Variants in CTNNA1 observed in about 807,000 individuals in gnomAD.
CTNNA1 encodes the protein catenin alpha-1.
CTNNA1 carries 37 observed loss-of-function variants against 98.4 expected under a neutral mutation model. The ratio of observed to expected loss-of-function variants is 0.38; its 90% CI spans 0.29 to 0.49. The LOEUF (loss-of-function observed/expected upper bound fraction) is 0.49, where lower values mean the gene tolerates loss of function less well. CTNNA1 is among the 20% of genes least tolerant of loss of function. The probability of loss-of-function intolerance (pLI) is 0.95; values close to 1 mark genes in which losing one functional copy is unlikely to be tolerated. For missense variants in CTNNA1, 761 were observed against 1,147.2 expected (o/e 0.66, Z 4.86); for synonymous variants, 404 against 413.2 (o/e 0.98, Z 0.27).
chr5:138,775,122 T>G, intron 1 of CTNNA1, among the ~76,000 whole-genome samples: 1 of 152,238 alleles, frequency 6.6e-6, no homozygotes, highest in South Asian at 2.1e-4. Flanking sequence ...CTAGCTTCAC[T>G]TAACTTTCCT....
chr5:138,755,513 C>T (rs909998650), intron 1 of CTNNA1, among the ~76,000 whole-genome samples: 26 of 152,138 alleles, frequency 1.7e-4, no homozygotes, highest in African/African-American at 6.3e-4. Context: ...TATCTTTGTC[C>T]TCCACACCAC....
chr5:138,853,058 G>A (rs940107233), intron 7 of CTNNA1, among the ~76,000 whole-genome samples: 21 of 151,820 alleles, frequency 1.4e-4, no homozygotes, highest in Non-Finnish European at 1.3e-4. Flanking sequence ...CCTCCCATGT[G>A]TTGTGTGTTT....
chr5:138,934,272 G>A lies in CTNNA1; in HGVS notation c.*183G>A. 1 of 566,772 alleles carries A rather than the reference G, an allele frequency of 1.8e-6. No homozygotes were observed. The highest frequency in any genetic ancestry group is 3.1e-6 in the Non-Finnish European group (1 of 323,526). 35.1% of individuals were successfully genotyped at this position (566,772 alleles called of 1,614,324 possible). ...TTTAAGTTGATTAAAAATGCTTTTA[G>A]AATGCAGGAGCCTACTTCTAGCTGT... On this transcript the variant is annotated 3_prime_UTR_variant, in exon 18 of 18. Coordinates refer to ENST00000302763, the MANE Select transcript of CTNNA1 (RefSeq NM_001903.5).
chr5:138,888,692 C>T (rs528175106), intron 9 of CTNNA1, among the ~76,000 whole-genome samples: 4 of 151,998 alleles, frequency 2.6e-5, no homozygotes, highest in Non-Finnish European at 5.9e-5. Context: ...GAATTACAGG[C>T]ACCCGCCACC....
At chr5:138,917,618 T>A in intron 10 of CTNNA1, 124 bp from the exon 11 acceptor site, 1 of 940,864 alleles carries the variant, frequency 1.1e-6, no homozygotes, top group Non-Finnish European at 1.6e-6. Context: ...TTTTACACTC[T>A]TCCCCTTCAT....
intron 7 of CTNNA1, among the ~76,000 whole-genome samples, chr5:138,840,028 T>C (rs1399059505): frequency 6.6e-6 from 1 of 152,224 alleles, no homozygotes; most frequent in Non-Finnish European, 1.5e-5. Flanking sequence ...TGGCTGGAAT[T>C]GGGGTCATTA....
chr5:138,762,624 T>C (rs1698350894), intron 1 of CTNNA1, among the ~76,000 whole-genome samples: 3 of 152,022 alleles, frequency 2.0e-5, no homozygotes, highest in African/African-American at 4.8e-5. Flanking sequence ...CTCTTTTTGA[T>C]TGGGATTTAA....
intron 3 of CTNNA1, among the ~76,000 whole-genome samples, chr5:138,794,258 C>T (rs769310248): frequency 4.6e-5 from 7 of 152,044 alleles, no homozygotes; most frequent in Non-Finnish European, 1.0e-4. Flanking sequence ...CTCAGGTGAT[C>T]GGCCTGCCTT....
chr5:138,860,495 T>G (rs200655429), intron 7 of CTNNA1, among the ~76,000 whole-genome samples: 1 of 84,510 alleles, frequency 1.2e-5, no homozygotes, highest in African/African-American at 4.9e-5. Flanking sequence ...TGGTTTTTTT[T>G]GTTTGTTTTG....
intron 10 of CTNNA1, 50 bp from the exon 11 acceptor site, chr5:138,917,692 A>G: frequency 6.3e-7 from 1 of 1,593,434 alleles, no homozygotes; most frequent in Non-Finnish European, 8.6e-7. Context: ...TGTAAGACAA[A>G]GCCATGACTC....
intron 1 of CTNNA1, among the ~76,000 whole-genome samples, chr5:138,779,757 C>T (rs1455037070): frequency 6.6e-6 from 1 of 150,418 alleles, no homozygotes; most frequent in Non-Finnish European, 1.5e-5. Flanking sequence ...GCTCTGTTGC[C>T]CAGGCTGGAG....
chr5:138,768,889 A>AG lies in CTNNA1; in HGVS notation c.-2-13033dup, dbSNP rs1753227069. Among the ~76,000 whole-genome samples, 4 of 152,236 alleles carry AG rather than the reference A, an allele frequency of 2.6e-5. No individual in the cohort carries two copies. In the South Asian group the frequency reaches 8.3e-4, roughly 32 times the overall value. On this transcript the variant is annotated intron_variant, in intron 1 of 17. Coordinates refer to ENST00000302763, the MANE Select transcript of CTNNA1 (RefSeq NM_001903.5). ...TTTGGTCTTAATAATTAATTGCTACAGTGATCTGCTAGCAATTTCCAATTC... is the reference window on the plus strand; with the variant it reads ...TTTGGTCTTAATAATTAATTGCTACAGGTGATCTGCTAGCAATTTCCAATTC...
chr5:138,804,095 G>A (rs145045011), intron 3 of CTNNA1, among the ~76,000 whole-genome samples: 1 of 152,298 alleles, frequency 6.6e-6, no homozygotes, highest in Non-Finnish European at 1.5e-5. Context: ...AGTGCTTGCT[G>A]CAAGGCACTG....
intron 7 of CTNNA1, among the ~76,000 whole-genome samples, chr5:138,835,063 G>T (rs1237344507): frequency 6.6e-6 from 1 of 152,130 alleles, no homozygotes; most frequent in African/African-American, 2.4e-5. Flanking sequence ...TCTCAAGGGT[G>T]GGGAGGGTGT....
intron 7 of CTNNA1, among the ~76,000 whole-genome samples, chr5:138,830,548 G>C (rs1276942246): frequency 1.3e-5 from 2 of 152,250 alleles, no homozygotes; most frequent in Non-Finnish European, 2.9e-5. Context: ...GAGGGCAGTG[G>C]AGCACACTTG....
intron 7 of CTNNA1, among the ~76,000 whole-genome samples, chr5:138,843,500 T>G (rs1187496562): frequency 6.6e-6 from 1 of 152,186 alleles, no homozygotes; most frequent in East Asian, 1.9e-4. Flanking sequence ...ACTCTCCATT[T>G]TATAGGCTGG....
At chr5:138,818,799 C>A (rs1404360616) in intron 5 of CTNNA1, among the ~76,000 whole-genome samples, 1 of 152,106 alleles carries the variant, frequency 6.6e-6, no homozygotes, top group South Asian at 2.1e-4. Context: ...ACACAGTGTA[C>A]GAGCAGCTAC....
chr5:138,828,467 C>T (rs1369555397), intron 7 of CTNNA1, among the ~76,000 whole-genome samples: 2 of 151,744 alleles, frequency 1.3e-5, no homozygotes, highest in African/African-American at 2.4e-5. Context: ...TTCTTCTATT[C>T]TGGTTATTTA....
chr5:138,812,390 A>G (rs1237346615), intron 5 of CTNNA1, 88 bp downstream of exon 5: 41 of 1,412,208 alleles, frequency 2.9e-5, no homozygotes, highest in Non-Finnish European at 9.6e-6. Flanking sequence ...TGAAAGTACC[A>G]TTACTTACCT....
Sources: gnomAD v4.1 joint callset for allele counts (sites outside exome capture counted in the v4.1 genomes callset) on GRCh38, gnomAD v4.1.1 for gene constraint, MANE v1.5 for transcripts, NCBI Gene and HGNC (gene_info 2026-07-23, HGNC 2026-07-21) for gene names.